MYLK: variants seen among roughly 807,000 people sequenced by gnomAD.
The protein encoded by MYLK is myosin light chain kinase, smooth muscle.
MYLK carries 106 observed loss-of-function variants against 203.4 expected under a neutral mutation model. That is an observed-to-expected ratio of 0.52 (90% CI 0.45 to 0.61). The LOEUF is 0.61. MYLK is among the 20% of genes least tolerant of loss of function. The pLI, the probability that MYLK is intolerant of heterozygous loss-of-function variation, is 0.00. For missense variants in MYLK, 2,072 were observed against 2,442.3 expected, an observed-to-expected ratio of 0.85 and a Z score of 3.20; for synonymous variants, 867 against 959.5, an observed-to-expected ratio of 0.90 and a Z score of 1.78.
At chr3:123,726,153 C>G in intron 11 of MYLK, 75 bp from the exon 12 acceptor site, 1 of 1,590,978 alleles carries the variant, frequency 6.3e-7, no homozygotes, top group Non-Finnish European at 8.6e-7. Context: ...ACCCCAGCCT[C>G]CCAGGCACGC....
At chr3:123,758,675 C>T (rs2063437713) in intron 4 of MYLK, among the ~76,000 whole-genome samples, 1 of 152,156 alleles carries the variant, frequency 6.6e-6, no homozygotes, top group South Asian at 2.1e-4. Context: ...ACAATTCAAG[C>T]CCTTCTGGAC....
In MYLK at chr3:123,629,791, G is replaced by T; in HGVS notation, c.4962-165C>A. Reference sequence around the variant, plus strand: ...TCTTCCACTTGTGGAAAGAAAAGAGGGTGTGGTTCACAGCCCTGTCTTTTC... The same window carrying T: ...TCTTCCACTTGTGGAAAGAAAAGAGTGTGTGGTTCACAGCCCTGTCTTTTC... On this transcript the variant is annotated intron_variant, in intron 29 of 33. Coordinates refer to ENST00000360304, the MANE Select transcript of MYLK (RefSeq NM_053025.4). The surrounding 1 kb of genome is among the most constrained non-coding windows in gnomAD (Gnocchi z 4.4). The T allele has an allele frequency of 1.4e-6, 1 of 700,122 alleles. No homozygotes were observed. Among genetic ancestry groups the T allele is most frequent in the Non-Finnish European group, 2.4e-6 (1 of 413,832 alleles). 43.4% of individuals were successfully genotyped at this position (700,122 alleles called of 1,614,324 possible).
At chr3:123,850,980 A>C (rs1229358353) in intron 2 of MYLK, among the ~76,000 whole-genome samples, 1 of 152,240 alleles carries the variant, frequency 6.6e-6, no homozygotes. Flanking sequence ...CAGTTTTCCC[A>C]AAACCATTTA....
intron 31 of MYLK, chr3:123,624,165 GAAA>G (rs201407811): frequency 6.6e-6 from 1 of 150,932 alleles, no homozygotes; most frequent in African/African-American, 2.4e-5. Context: ...TACCAAAGGA[GAAA>G]AAAAAATATT....
chr3:123,622,991 C>G (rs1181798722), intron 31 of MYLK: 1 of 152,240 alleles, frequency 6.6e-6, no homozygotes, highest in Non-Finnish European at 1.5e-5. Flanking sequence ...CTTCATGCAG[C>G]ACAAATTCCC....
At chr3:123,852,785 A>G (rs1250618920) in intron 2 of MYLK, among the ~76,000 whole-genome samples, 2 of 152,150 alleles carry the variant, frequency 1.3e-5, no homozygotes, top group African/African-American at 4.8e-5. Context: ...TCTTAACTGC[A>G]TATGCTAAAG....
intron 31 of MYLK, chr3:123,622,231 G>T (rs980950273): frequency 3.3e-5 from 5 of 152,182 alleles, no homozygotes; most frequent in Non-Finnish European, 5.9e-5. Flanking sequence ...GTTTGTCCTG[G>T]GCTAGGAGCC....
rs1396961733 is a variant in MYLK at position 123,763,785 on chromosome 3, TG to T, written c.166-11248del. 7.9e-5 allele frequency among the ~76,000 whole-genome samples: 12 copies of T among 152,340 alleles called. No individual in the cohort carries two copies. In the East Asian group the frequency reaches 2.1e-3, roughly 27 times the overall value. On this transcript the variant is annotated intron_variant, in intron 4 of 33. Coordinates refer to ENST00000360304, the MANE Select transcript of MYLK (RefSeq NM_053025.4). Reference sequence around the variant, plus strand: ...AGAATTTCATGATGACCTGACTTGGTGTGGGTCTTTGTTCACTGTCCGTCAG... The same window carrying T: ...AGAATTTCATGATGACCTGACTTGGTTGGGTCTTTGTTCACTGTCCGTCAG...
intron 27 of MYLK, chr3:123,644,564 C>G (rs959523786): frequency 6.6e-6 from 1 of 152,342 alleles, no homozygotes; most frequent in African/African-American, 2.4e-5. Flanking sequence ...TGCTGCCTAG[C>G]CTTCCCCAGG....
At chr3:123,659,120 C>A (rs570027044) in intron 23 of MYLK, among the ~76,000 whole-genome samples, 1 of 152,278 alleles carries the variant, frequency 6.6e-6, no homozygotes, top group African/African-American at 2.4e-5. Flanking sequence ...GTTTATTACT[C>A]TAAACTCTCT....
intron 3 of MYLK, among the ~76,000 whole-genome samples, chr3:123,820,706 C>T (rs974142918): frequency 3.2e-4 from 48 of 151,006 alleles, no homozygotes; most frequent in Admixed American, 2.7e-3. Context: ...TTCCTTCCTT[C>T]CTTCTTTCCT....
intron 12 of MYLK, among the ~76,000 whole-genome samples, chr3:123,724,209 T>G (rs2062198344): frequency 7.6e-6 from 1 of 132,444 alleles, no homozygotes; most frequent in Non-Finnish European, 1.5e-5. Context: ...CTTGAACTCC[T>G]GAGCTCAGGC....
At chr3:123,737,348 G>A (rs373679150) in intron 8 of MYLK, 30 bp downstream of exon 8, 20 of 1,613,950 alleles carry the variant, frequency 1.2e-5, no homozygotes, top group East Asian at 6.7e-5. Context: ...GGCAGGGATC[G>A]TTCTGCACTA....
intron 29 of MYLK, among the ~76,000 whole-genome samples, chr3:123,635,972 A>G (rs2108069276): frequency 6.6e-6 from 1 of 152,330 alleles, no homozygotes; most frequent in Admixed American, 6.5e-5. Flanking sequence ...GTCAAGCAAA[A>G]AAAGCCAGAC....
At chr3:123,834,448 T>C (rs1448346723) in intron 2 of MYLK, among the ~76,000 whole-genome samples, 2 of 152,162 alleles carry the variant, frequency 1.3e-5, no homozygotes, top group African/African-American at 4.8e-5. Context: ...TCTGGACAGG[T>C]AATTTAATAA....
chr3:123,615,830 G>A (rs146514045), intron 33 of MYLK, among the ~76,000 whole-genome samples: 2 of 151,302 alleles, frequency 1.3e-5, no homozygotes, highest in Non-Finnish European at 2.9e-5. Context: ...CGTATTTTTT[G>A]TAGAGATAGG....
chr3:123,655,476 A>G (rs2059364115), intron 24 of MYLK, among the ~76,000 whole-genome samples: 2 of 152,156 alleles, frequency 1.3e-5, no homozygotes, highest in South Asian at 4.1e-4. Flanking sequence ...ACTAGCTTAA[A>G]CCTTTCTCCT....
Position 123,640,831 on chromosome 3 carries a change from T to C in MYLK, c.4620-327A>G, listed in dbSNP as rs2058808489. Among the ~76,000 whole-genome samples, 1 of 152,230 alleles carries C rather than the reference T, an allele frequency of 6.6e-6. No individual in the cohort carries two copies. The highest frequency in any genetic ancestry group is 2.4e-5 in the African/African-American group (1 of 41,470). ...AAAAGAGTGACCTCTAAACAGTCTC[T>C]TTCCCTCAAATGACCACACATGCCT... On this transcript the variant is annotated intron_variant, in intron 27 of 33. Transcript: ENST00000360304. This position sits in a 1 kb window ranked among gnomAD's most constrained non-coding sequence, Gnocchi z 4.3.
At chr3:123,850,556 C>G (rs893542446) in intron 2 of MYLK, among the ~76,000 whole-genome samples, 11 of 152,146 alleles carry the variant, frequency 7.2e-5, no homozygotes, top group Non-Finnish European at 1.6e-4. Flanking sequence ...TGAGAAGTGT[C>G]TGTTCATATC....
Sources: allele counts gnomAD v4.1 joint callset (sites outside exome capture counted in the v4.1 genomes callset), GRCh38; gene constraint gnomAD v4.1.1; non-coding constraint Gnocchi (gnomAD v3.1); transcripts MANE v1.5; gene names NCBI Gene and HGNC (gene_info 2026-07-23, HGNC 2026-07-21).